Variants in RBFOX1 observed in about 807,000 individuals in gnomAD.
RBFOX1 encodes RNA binding fox-1 homolog 1, also known as RNA binding protein fox-1 homolog 1.
In RBFOX1, 8 loss-of-function variants were observed where a neutral mutation model predicts 57.7. That is an observed-to-expected ratio of 0.14 (90% CI 0.08 to 0.25). The LOEUF is 0.25. Ranked by LOEUF, RBFOX1 falls within the 10% of genes least tolerant of loss-of-function variation. RBFOX1 has a pLI of 1.00. For missense variants in RBFOX1, 611 were observed against 548.5 expected, an observed-to-expected ratio of 1.11 and a Z score of -1.14; for synonymous variants, 326 against 222.4, an observed-to-expected ratio of 1.47 and a Z score of -4.15.
intron 3 of RBFOX1, among the ~76,000 whole-genome samples, chr16:5,698,922 T>C (rs2050933341): frequency 6.6e-6 from 1 of 152,162 alleles, no homozygotes; most frequent in Admixed American, 6.5e-5. Flanking sequence ...TATTTCTTTC[T>C]TTCCCATCCA....
chr16:7,481,414 T>C (rs1010066013), intron 4 of RBFOX1, among the ~76,000 whole-genome samples: 3 of 152,240 alleles, frequency 2.0e-5, no homozygotes, highest in African/African-American at 7.2e-5. Context: ...CAGATACTTC[T>C]CATAATATAA....
intron 2 of RBFOX1, among the ~76,000 whole-genome samples, chr16:6,393,693 T>C (rs1205321266): frequency 1.3e-5 from 2 of 152,234 alleles, no homozygotes; most frequent in African/African-American, 4.8e-5. Context: ...TTATCTCTGC[T>C]GACTGTGTCT....
At chr16:7,345,282 G>A (rs2096975109) in intron 4 of RBFOX1, among the ~76,000 whole-genome samples, 1 of 152,062 alleles carries the variant, frequency 6.6e-6, no homozygotes, top group Non-Finnish European at 1.5e-5. Flanking sequence ...CTACAGCTCT[G>A]CATTTGTTTT....
At chr16:5,445,592 A>C (rs1483485740) in intron 1 of RBFOX1, among the ~76,000 whole-genome samples, 2 of 152,244 alleles carry the variant, frequency 1.3e-5, no homozygotes, top group African/African-American at 2.4e-5. Context: ...GAGGACAGTC[A>C]GAGGTGGAGG....
At chr16:6,666,194 A>G (rs9921951) in intron 3 of RBFOX1, among the ~76,000 whole-genome samples, 96,855 of 152,030 alleles carry the variant, frequency 0.64, 31,586 homozygotes, top group African/African-American at 0.77. Flanking sequence ...TCTCAGGTAC[A>G]TCTGTATCAG....
chr16:7,308,274 C>A (rs1044935407), intron 4 of RBFOX1, among the ~76,000 whole-genome samples: 1 of 145,070 alleles, frequency 6.9e-6, no homozygotes, highest in Non-Finnish European at 1.5e-5. Flanking sequence ...ATGCAAACTG[C>A]GTGTCAGATT....
chr16:7,150,550 A>C (rs1166273500), intron 4 of RBFOX1, among the ~76,000 whole-genome samples: 1 of 152,208 alleles, frequency 6.6e-6, no homozygotes, highest in Admixed American at 6.5e-5. Flanking sequence ...CCGTGTGATC[A>C]ACTCTTAACA....
intron 4 of RBFOX1, among the ~76,000 whole-genome samples, chr16:7,221,336 T>TGA (rs1308799412): frequency 1.1e-4 from 7 of 63,396 alleles, no homozygotes; most frequent in South Asian, 6.3e-4. Context: ...ATTCTTTATT[T>TGA]TTATTTGATT....
At chr16:6,975,070 A>T (rs895851208) in intron 3 of RBFOX1, among the ~76,000 whole-genome samples, 3 of 152,192 alleles carry the variant, frequency 2.0e-5, no homozygotes, top group African/African-American at 4.8e-5. Flanking sequence ...ATATGGCAGA[A>T]TAAAGAGGAC....
chr16:7,453,831 G>A (rs2057913700), intron 4 of RBFOX1, among the ~76,000 whole-genome samples: 2 of 152,124 alleles, frequency 1.3e-5, no homozygotes, highest in South Asian at 4.1e-4. Context: ...CCTTAAGATG[G>A]CATTCCTAGA....
chr16:6,388,712 C>G (rs1001065164), intron 2 of RBFOX1, among the ~76,000 whole-genome samples: 5 of 152,084 alleles, frequency 3.3e-5, no homozygotes, highest in African/African-American at 1.2e-4. Context: ...TGCCTTCTAG[C>G]TTGGATGACA....
At chr16:6,581,442 T>C (rs1476133789) in intron 2 of RBFOX1, among the ~76,000 whole-genome samples, 3 of 152,210 alleles carry the variant, frequency 2.0e-5, no homozygotes, top group African/African-American at 7.2e-5. Flanking sequence ...TTCCCCCAGC[T>C]GTGTTGGCTG....
intron 2 of RBFOX1, among the ~76,000 whole-genome samples, chr16:6,392,275 T>C (rs912359625): frequency 6.6e-6 from 1 of 152,226 alleles, no homozygotes; most frequent in Non-Finnish European, 1.5e-5. Context: ...CTGCGTCTTA[T>C]TTTGTCTTCA....
intron 4 of RBFOX1, among the ~76,000 whole-genome samples, chr16:5,912,434 G>A (rs562837871): frequency 6.6e-6 from 1 of 152,286 alleles, no homozygotes; most frequent in East Asian, 1.9e-4. Flanking sequence ...AGAACAGTGT[G>A]GTTTGGGGAC....
chr16:7,483,066 C>T (rs1046522518), intron 4 of RBFOX1, among the ~76,000 whole-genome samples: 2 of 152,260 alleles, frequency 1.3e-5, no homozygotes, highest in Non-Finnish European at 1.5e-5. Flanking sequence ...AAGCCACCCT[C>T]GTCACTAAAA....
intron 4 of RBFOX1, among the ~76,000 whole-genome samples, chr16:7,450,956 C>G (rs2098847406): frequency 6.6e-6 from 1 of 152,146 alleles, no homozygotes; most frequent in African/African-American, 2.4e-5. Context: ...GGCCTCTGCA[C>G]ATGAAACATA....
chr16:6,936,879 G>T (rs1380770441), intron 3 of RBFOX1, among the ~76,000 whole-genome samples: 2 of 144,708 alleles, frequency 1.4e-5, no homozygotes, highest in Admixed American at 7.4e-5. Context: ...AAATTTTTAA[G>T]ATCCATCAGC....
At chr16:7,377,076 C>T (rs192345345) in intron 4 of RBFOX1, among the ~76,000 whole-genome samples, 2 of 152,316 alleles carry the variant, frequency 1.3e-5, no homozygotes, top group African/African-American at 4.8e-5. Context: ...AATTAGCTTT[C>T]AGTTTCCACT....
chr16:5,284,756 A>ATTT lies in RBFOX1; in HGVS notation c.219+44675_219+44677dup, dbSNP rs1166998032. On this transcript the variant is annotated intron_variant, in intron 1 of 2. Coordinates refer to the RBFOX1 transcript ENST00000585867. ...GCTGGGTATAGTAGTTTTGGCTTAG[A>ATTT]TTTTTTTTTTTTTTTTTTTTTTTTT... Among the ~76,000 whole-genome samples the ATTT allele has an allele frequency of 7.2e-3, 440 of 61,026 alleles. 19 individuals carry two copies. Among genetic ancestry groups the ATTT allele is most frequent in the African/African-American group, 0.026 (416 of 16,260 alleles). The allele number at this position is 61,026 out of a possible 152,430, so 40.0% of individuals were successfully genotyped here. A position where few individuals can be genotyped will look rare whatever the true frequency, so the allele number is the denominator to read the frequency against.
Sources: allele counts gnomAD v4.1 joint callset (sites outside exome capture counted in the v4.1 genomes callset), GRCh38; gene constraint gnomAD v4.1.1; transcripts MANE v1.5; gene names NCBI Gene and HGNC (gene_info 2026-07-23, HGNC 2026-07-21).